CCDC30: variants seen among roughly 807,000 people sequenced by gnomAD.
CCDC30 encodes coiled-coil domain containing 30.
CCDC30 carries 70 observed loss-of-function variants against 100.2 expected under a neutral mutation model. The observed-to-expected ratio is 0.70, with a 90% CI of 0.58 to 0.85. The LOEUF (loss-of-function observed/expected upper bound fraction) is 0.85, where lower values mean the gene tolerates loss of function less well. Among genes scored for constraint, CCDC30 ranks in the 40% least tolerant of loss-of-function variants. CCDC30 has a pLI of 0.00. For synonymous variants in CCDC30, 233 were observed against 269.5 expected, an observed-to-expected ratio of 0.86 and a Z score of 1.33; for missense variants, 652 against 771.2, an observed-to-expected ratio of 0.85 and a Z score of 1.83.
intron 10 of CCDC30, among the ~76,000 whole-genome samples, chr1:42,606,064 C>T (rs1374862243): frequency 6.6e-6 from 1 of 152,126 alleles, no homozygotes; most frequent in African/African-American, 2.4e-5. Context: ...TATCTTTACT[C>T]CATAAAGTAT....
chr1:42,492,788 A>C (rs1644166470), intron 4 of CCDC30, among the ~76,000 whole-genome samples: 1 of 152,214 alleles, frequency 6.6e-6, no homozygotes, highest in South Asian at 2.1e-4. Flanking sequence ...CTGGAATTAC[A>C]GGAAACTGCC....
chr1:42,584,048 C>T lies in CCDC30; in HGVS notation c.1001+2534C>T, dbSNP rs112607505. On this transcript the variant is annotated intron_variant, in intron 9 of 16. Transcript: ENST00000668663. ...GGAGCAGTTGTAGGCCTGGCTGTTG[C>T]GTCATGCCAAGGTGAGCAGCAGATA... Among the ~76,000 whole-genome samples, 918 of 152,236 alleles carry T rather than the reference C, an allele frequency of 6.0e-3. 6 individuals are homozygous for T. The highest frequency in any genetic ancestry group is 0.021 in the African/African-American group (857 of 41,544).
At chr1:42,609,708 G>C (rs1646579578) in intron 10 of CCDC30, among the ~76,000 whole-genome samples, 1 of 152,206 alleles carries the variant, frequency 6.6e-6, no homozygotes, top group African/African-American at 2.4e-5. Flanking sequence ...TGGTGGTATA[G>C]AGGTGGGCCT....
At chr1:42,474,334 T>C (rs577180449) in intron 1 of CCDC30, among the ~76,000 whole-genome samples, 12 of 152,326 alleles carry the variant, frequency 7.9e-5, no homozygotes, top group African/African-American at 2.9e-4. Flanking sequence ...GAGATGTTAA[T>C]AGCATCTTCA....
chr1:42,585,186 T>C (rs1646044135), intron 9 of CCDC30, among the ~76,000 whole-genome samples: 1 of 152,228 alleles, frequency 6.6e-6, no homozygotes, highest in South Asian at 2.1e-4. Flanking sequence ...GAATTGTTCA[T>C]AATACTCCTT....
At chr1:42,610,676 C>T (rs1646601522) in intron 10 of CCDC30, among the ~76,000 whole-genome samples, 1 of 152,138 alleles carries the variant, frequency 6.6e-6, no homozygotes, top group African/African-American at 2.4e-5. Context: ...ATGCCTGCCT[C>T]AGCCTCCCAA....
chr1:42,489,660 G>A (rs1259868451), intron 3 of CCDC30, among the ~76,000 whole-genome samples: 1 of 152,162 alleles, frequency 6.6e-6, no homozygotes, highest in African/African-American at 2.4e-5. Context: ...AAATCCAATA[G>A]TCTTCCTAAA....
rs766738852 is a variant in CCDC30, at chr1:42,654,075, G to C, written c.*47G>C. On this transcript the variant is annotated 3_prime_UTR_variant, in exon 17 of 17. Transcript: ENST00000668663. ...TACTGAACAAAAGTGGTAATTTAAA[G>C]CCTGGACAAAAGGTGGACCATGACA... 6 of 1,401,320 alleles carry C rather than the reference G, an allele frequency of 4.3e-6. No individual in the cohort carries two copies. In the African/African-American group the frequency reaches 7.2e-5, roughly 17 times the overall value. 86.8% of individuals were successfully genotyped at this position (1,401,320 alleles called of 1,614,324 possible).
At chr1:42,555,010 A>G (rs756965205) in intron 6 of CCDC30, among the ~76,000 whole-genome samples, 6 of 152,154 alleles carry the variant, frequency 3.9e-5, no homozygotes, top group Non-Finnish European at 7.4e-5. Flanking sequence ...TTCCCAAGTC[A>G]GAAATCCAGG....
At chr1:42,619,456 G>A (rs1646788416) in intron 11 of CCDC30, among the ~76,000 whole-genome samples, 1 of 152,158 alleles carries the variant, frequency 6.6e-6, no homozygotes, top group Non-Finnish European at 1.5e-5. Context: ...ATCTATTAAT[G>A]TGTGTGTGGG....
intron 6 of CCDC30, among the ~76,000 whole-genome samples, chr1:42,525,341 G>C (rs1469437081): frequency 6.6e-6 from 1 of 151,708 alleles, no homozygotes; most frequent in Admixed American, 6.6e-5. Context: ...TTCTCTCTTT[G>C]TTCTAGTTTG....
intron 2 of CCDC30, among the ~76,000 whole-genome samples, chr1:42,481,672 TA>T (rs1198947923): frequency 1.3e-5 from 2 of 152,050 alleles, no homozygotes; most frequent in Admixed American, 6.6e-5. Flanking sequence ...TTCTTTAGAA[TA>T]TATAGCACAT....
At chr1:42,491,967 G>A in intron 4 of CCDC30, 1 of 899,280 alleles carries the variant, frequency 1.1e-6, no homozygotes, top group Non-Finnish European at 1.7e-6. Context: ...TCTGCAGAAT[G>A]ATGAAGTTGC....
chr1:42,530,275 C>A (rs566029573), intron 6 of CCDC30, among the ~76,000 whole-genome samples: 1 of 152,146 alleles, frequency 6.6e-6, no homozygotes, highest in Non-Finnish European at 1.5e-5. Flanking sequence ...AAGTACAGTA[C>A]AATAAGATAT....
At chr1:42,586,734 A>G (rs990346667) in intron 9 of CCDC30, among the ~76,000 whole-genome samples, 1 of 152,174 alleles carries the variant, frequency 6.6e-6, no homozygotes, top group Non-Finnish European at 1.5e-5. Flanking sequence ...CAGAAAAAAT[A>G]TATATATAAG....
At chr1:42,512,922 T>C (rs1382392119) in intron 6 of CCDC30, among the ~76,000 whole-genome samples, 7 of 152,206 alleles carry the variant, frequency 4.6e-5, no homozygotes, top group African/African-American at 1.7e-4. Context: ...ACGCTAACCG[T>C]GTTTTTAAAT....
chr1:42,570,084 C>A (rs942024086), intron 7 of CCDC30, among the ~76,000 whole-genome samples: 1 of 152,044 alleles, frequency 6.6e-6, no homozygotes, highest in Admixed American at 6.6e-5. Flanking sequence ...ATGTAACAAA[C>A]CTGCGTGTTC....
intron 10 of CCDC30, among the ~76,000 whole-genome samples, chr1:42,601,363 G>A (rs187343998): frequency 1.3e-5 from 2 of 152,230 alleles, no homozygotes; most frequent in African/African-American, 4.8e-5. Flanking sequence ...AACAAAGAGA[G>A]GGGATTGGGA....
chr1:42,500,229 C>T, intron 6 of CCDC30: 1 of 1,594,962 alleles, frequency 6.3e-7, no homozygotes, highest in Non-Finnish European at 8.6e-7. Flanking sequence ...CTTGCTTCTC[C>T]TGTTCAATCG....
Sources: allele counts gnomAD v4.1 joint callset (sites outside exome capture counted in the v4.1 genomes callset), GRCh38; gene constraint gnomAD v4.1.1; transcripts MANE v1.5; gene names NCBI Gene and HGNC (gene_info 2026-07-23, HGNC 2026-07-21).